TENM3: variants seen among roughly 807,000 people sequenced by gnomAD.
TENM3 encodes teneurin transmembrane protein 3.
Under a neutral mutation model 255.1 loss-of-function variants are expected in TENM3, and 63 were observed. That is an observed-to-expected ratio of 0.25 (90% CI 0.20 to 0.30). The LOEUF is 0.30. Ranked by LOEUF, TENM3 falls within the 10% of genes least tolerant of loss-of-function variation. The pLI, the probability that TENM3 is intolerant of heterozygous loss-of-function variation, is 1.00. For missense variants in TENM3, 2,929 were observed against 3,461.1 expected, an observed-to-expected ratio of 0.85 and a Z score of 3.86; for synonymous variants, 1,306 against 1,322.3, an observed-to-expected ratio of 0.99 and a Z score of 0.27.
At chr4:181,964,731 T>C in the TENM3 span, among the ~76,000 whole-genome samples, 3 of 152,194 alleles carry the variant, frequency 2.0e-5, no homozygotes, top group South Asian at 2.1e-4. Context: ...CCAGCAGGGA[T>C]TCGGTTATAA....
At chr4:182,302,949 C>G (rs1010539695) in intron 1 of TENM3, among the ~76,000 whole-genome samples, 8 of 152,180 alleles carry the variant, frequency 5.3e-5, no homozygotes, top group African/African-American at 1.2e-4. Flanking sequence ...TGTCATTTTT[C>G]CAGCTCAGTT....
the TENM3 span, among the ~76,000 whole-genome samples, chr4:181,710,921 T>C: frequency 6.7e-6 from 1 of 150,134 alleles, no homozygotes; most frequent in East Asian, 2.0e-4. Context: ...AGGTAGTAGC[T>C]GAGGAGAAAT....
At chr4:181,754,284 T>TCACACACA in the TENM3 span, among the ~76,000 whole-genome samples, 5,695 of 144,496 alleles carry the variant, frequency 0.039, 143 homozygotes, top group South Asian at 0.059. Context: ...TATATCCCAG[T>TCACACACA]CACACACACA....
At chr4:182,553,227 TGG>T (rs1205796392) in intron 3 of TENM3, among the ~76,000 whole-genome samples, 5 of 152,128 alleles carry the variant, frequency 3.3e-5, no homozygotes, top group Admixed American at 2.6e-4. Context: ...GCAGAGTAGC[TGG>T]GACTACAGGC....
At position 182,800,265 on chromosome 4, in the gene TENM3, G is replaced by T. The variant is rs200105084; in HGVS notation, c.8014G>T (p.Val2672Leu). The change falls in exon 28 of 28, where the codon GTA becomes TTA. Residue 2672 changes from valine (V) to leucine (L), a missense_variant. Transcript: ENST00000511685. ...GKVQGYDGYY[V>L]LSVEQYPELA... ...GGTGCAGGGCTACGACGGGTACTAC[G>T]TACTCTCGGTGGAGCAGTACCCCGA... is the stretch of plus-strand genomic sequence containing the variant. 7 of 1,593,994 alleles carry T rather than the reference G, an allele frequency of 4.4e-6. No individual in the cohort carries two copies. The African/African-American group carries it at 9.4e-5, about 21-fold the overall frequency.
At chr4:182,785,932 A>C (rs1429890141) in intron 24 of TENM3, among the ~76,000 whole-genome samples, 5 of 152,098 alleles carry the variant, frequency 3.3e-5, no homozygotes, top group African/African-American at 1.2e-4. Context: ...AAAACATGAG[A>C]GCTCTTAGTA....
At chr4:181,705,593 T>A in the TENM3 span, among the ~76,000 whole-genome samples, 1 of 152,230 alleles carries the variant, frequency 6.6e-6, no homozygotes, top group Non-Finnish European at 1.5e-5. Flanking sequence ...ATCTCTCTTT[T>A]TTCAACTTAA....
the TENM3 span, among the ~76,000 whole-genome samples, chr4:182,025,128 A>G: frequency 6.7e-6 from 1 of 148,702 alleles, no homozygotes; most frequent in East Asian, 2.0e-4. Context: ...TTGCGGGTTC[A>G]CGCCATTCTC....
chr4:182,612,838 C>G (rs1749146186), intron 4 of TENM3, among the ~76,000 whole-genome samples: 1 of 152,166 alleles, frequency 6.6e-6, no homozygotes, highest in Non-Finnish European at 1.5e-5. Context: ...GTTCAGTAAG[C>G]TTCACTGAAG....
At chr4:182,443,856 T>C (rs963281174) in intron 3 of TENM3, among the ~76,000 whole-genome samples, 82 of 152,296 alleles carry the variant, frequency 5.4e-4, no homozygotes, top group African/African-American at 1.8e-3. Flanking sequence ...GTGGACATGA[T>C]TGGATATCTA....
the TENM3 span, among the ~76,000 whole-genome samples, chr4:182,028,747 A>G: frequency 1.3e-5 from 2 of 151,966 alleles, no homozygotes; most frequent in African/African-American, 2.4e-5. Context: ...TTGTATTTGT[A>G]TGTTTTCTGA....
chr4:181,477,705 G>GCAA, the TENM3 span, among the ~76,000 whole-genome samples: 6 of 152,136 alleles, frequency 3.9e-5, no homozygotes, highest in South Asian at 6.2e-4. Context: ...ATTGCTGCCA[G>GCAA]CAACAACAAC....
intron 3 of TENM3, among the ~76,000 whole-genome samples, chr4:182,574,057 A>C (rs1354063768): frequency 6.6e-6 from 1 of 152,162 alleles, no homozygotes; most frequent in Non-Finnish European, 1.5e-5. Flanking sequence ...TAATTCAAAA[A>C]AGACTTAGTT....
chr4:181,918,458 T>G, the TENM3 span, among the ~76,000 whole-genome samples: 1,014 of 152,288 alleles, frequency 6.7e-3, 13 homozygotes, highest in African/African-American at 0.023. Context: ...GAAGACTATT[T>G]TTTAAACGAA....
the TENM3 span, among the ~76,000 whole-genome samples, chr4:182,044,353 G>C: frequency 5.3e-5 from 8 of 152,220 alleles, no homozygotes; most frequent in Admixed American, 6.5e-5. Flanking sequence ...ATTTACAGCA[G>C]ATCTAGTGGG....
At chr4:182,206,134 T>G (rs1754558309) in intron 1 of TENM3, among the ~76,000 whole-genome samples, 1 of 151,792 alleles carries the variant, frequency 6.6e-6, no homozygotes, top group African/African-American at 2.4e-5. Context: ...AAAATGTCTG[T>G]GTAAGTGTTA....
At chr4:182,263,680 C>A (rs1351201564) in intron 1 of TENM3, among the ~76,000 whole-genome samples, 2 of 152,140 alleles carry the variant, frequency 1.3e-5, no homozygotes, top group Non-Finnish European at 1.5e-5. Context: ...CCTCCCTGAG[C>A]ATTTCGCCTT....
intron 6 of TENM3, among the ~76,000 whole-genome samples, chr4:182,654,485 A>G (rs1753588937): frequency 6.6e-6 from 1 of 152,158 alleles, no homozygotes; most frequent in South Asian, 2.1e-4. Flanking sequence ...ATACATACAT[A>G]TGTACACTTA....
chr4:182,311,877 T>G lies in TENM3; in HGVS notation c.-75-12069T>G, dbSNP rs144055495. Among the ~76,000 whole-genome samples, 58 of 152,338 alleles carry G rather than the reference T, an allele frequency of 3.8e-4. 1 individual carries two copies. The highest frequency in any genetic ancestry group is 1.4e-3 in the African/African-American group (57 of 41,570). On this transcript the variant is annotated intron_variant, in intron 1 of 27. Transcript: ENST00000511685. Reference sequence around the variant, plus strand: ...CCAGTGAGACCCATCTTTAAGGCACTTTTTAAATATGGAAAGCTGTAGTTG... The same window carrying G: ...CCAGTGAGACCCATCTTTAAGGCACGTTTTAAATATGGAAAGCTGTAGTTG...
Sources: gnomAD v4.1 joint callset for allele counts (sites outside exome capture counted in the v4.1 genomes callset) on GRCh38, gnomAD v4.1.1 for gene constraint, MANE v1.5 for transcripts, NCBI Gene and HGNC (gene_info 2026-07-23, HGNC 2026-07-21) for gene names.